RALYL: variants seen among roughly 807,000 people sequenced by gnomAD.
RALYL encodes the protein RNA-binding Raly-like protein.
RALYL carries 29 observed loss-of-function variants against 35.1 expected under a neutral mutation model. That is an observed-to-expected ratio of 0.83 (90% CI 0.61 to 1.13). RALYL has a LOEUF of 1.13. Ranked by LOEUF, RALYL falls within the 50% of genes most tolerant of loss-of-function variation. The pLI is 0.00. For missense variants in RALYL, 359 were observed against 360.4 expected, an observed-to-expected ratio of 1.00 and a Z score of 0.03; for synonymous variants, 120 against 127.6, an observed-to-expected ratio of 0.94 and a Z score of 0.40.
intron 1 of RALYL, among the ~76,000 whole-genome samples, chr8:84,373,544 T>C (rs1417617359): frequency 6.6e-6 from 1 of 152,030 alleles, no homozygotes; most frequent in Non-Finnish European, 1.5e-5. Flanking sequence ...TGTGGCCTCA[T>C]CTTCGGGTCT....
At chr8:84,244,431 T>A (rs901091074) in intron 1 of RALYL, among the ~76,000 whole-genome samples, 6 of 152,186 alleles carry the variant, frequency 3.9e-5, no homozygotes, top group African/African-American at 1.4e-4. Context: ...TCTGAATACA[T>A]CACCAAAGTT....
intron 1 of RALYL, among the ~76,000 whole-genome samples, chr8:84,518,487 A>G (rs1323538965): frequency 6.6e-6 from 1 of 152,200 alleles, no homozygotes; most frequent in East Asian, 1.9e-4. Context: ...ATGACATTGC[A>G]TCTACAGTCA....
chr8:84,608,041 A>G (rs1817538092), intron 2 of RALYL, among the ~76,000 whole-genome samples: 1 of 151,844 alleles, frequency 6.6e-6, no homozygotes, highest in African/African-American at 2.4e-5. Flanking sequence ...TTTTGTATAT[A>G]TCTTGTTGCG....
chr8:84,432,710 C>G (rs2047271530), intron 1 of RALYL, among the ~76,000 whole-genome samples: 1 of 151,962 alleles, frequency 6.6e-6, no homozygotes, highest in Admixed American at 6.6e-5. Flanking sequence ...TTTTATAAGA[C>G]AATGTGAATT....
intron 1 of RALYL, among the ~76,000 whole-genome samples, chr8:84,420,884 C>G (rs1487033327): frequency 9.3e-6 from 1 of 107,014 alleles, no homozygotes; most frequent in Non-Finnish European, 1.8e-5. Context: ...TCTGAGGGCT[C>G]TGTTCTGTTC....
chr8:84,846,972 A>AT (rs2134724464), intron 4 of RALYL, among the ~76,000 whole-genome samples: 1 of 151,914 alleles, frequency 6.6e-6, no homozygotes, highest in African/African-American at 2.4e-5. Flanking sequence ...ACTTTTGGCT[A>AT]TTTTTTTCTT....
chr8:84,785,454 A>C (rs890977935), intron 3 of RALYL, among the ~76,000 whole-genome samples: 4 of 152,194 alleles, frequency 2.6e-5, no homozygotes, highest in African/African-American at 4.8e-5. Flanking sequence ...CATTTCTAAC[A>C]TTCTGGGATT....
chr8:84,337,369 T>C (rs1375194426), intron 1 of RALYL, among the ~76,000 whole-genome samples: 1 of 151,858 alleles, frequency 6.6e-6, no homozygotes, highest in Non-Finnish European at 1.5e-5. Context: ...AGTTTTTTAA[T>C]AGAGATACTG....
intron 1 of RALYL, among the ~76,000 whole-genome samples, chr8:84,297,291 G>A (rs1389871201): frequency 6.6e-6 from 1 of 152,026 alleles, no homozygotes; most frequent in Non-Finnish European, 1.5e-5. Flanking sequence ...CCACTTATAA[G>A]TGAGAATATG....
chr8:84,697,310 T>C (rs1014517377), intron 2 of RALYL, among the ~76,000 whole-genome samples: 8 of 152,070 alleles, frequency 5.3e-5, no homozygotes, highest in African/African-American at 1.7e-4. Context: ...ATTATATTTT[T>C]AAACTATGAA....
intron 1 of RALYL, among the ~76,000 whole-genome samples, chr8:84,504,491 A>T (rs1243105968): frequency 6.6e-6 from 1 of 152,196 alleles, no homozygotes; most frequent in Non-Finnish European, 1.5e-5. Flanking sequence ...GTACATAAAT[A>T]AAAGGCCAAC....
chr8:84,700,395 A>G (rs1427819362), intron 2 of RALYL, among the ~76,000 whole-genome samples: 2 of 152,168 alleles, frequency 1.3e-5, no homozygotes, highest in African/African-American at 4.8e-5. Flanking sequence ...AAATGAATAA[A>G]GGCTTAATAA....
intron 1 of RALYL, among the ~76,000 whole-genome samples, chr8:84,474,949 A>C (rs1053898647): frequency 1.4e-5 from 2 of 142,934 alleles, no homozygotes; most frequent in African/African-American, 2.6e-5. Context: ...TCTAGGGTAC[A>C]TGGGCACAAT....
At chr8:84,214,288 G>A (rs1254823911) in intron 1 of RALYL, among the ~76,000 whole-genome samples, 1 of 152,038 alleles carries the variant, frequency 6.6e-6, no homozygotes, top group Non-Finnish European at 1.5e-5. Context: ...CATATAATAA[G>A]AAATAGAATT....
At chr8:84,648,805 T>C (rs1266060261) in intron 2 of RALYL, among the ~76,000 whole-genome samples, 1 of 150,732 alleles carries the variant, frequency 6.6e-6, no homozygotes, top group Non-Finnish European at 1.5e-5. Context: ...ATTATTTATA[T>C]ATGTATATAT....
intron 2 of RALYL, among the ~76,000 whole-genome samples, chr8:84,706,252 C>T (rs766263064): frequency 2.0e-5 from 3 of 152,184 alleles, no homozygotes; most frequent in Non-Finnish European, 2.9e-5. Context: ...GGGGATAATT[C>T]GCTTGTTACC....
At chr8:84,529,132 A>G (rs1012711027) in intron 1 of RALYL, among the ~76,000 whole-genome samples, 167 bp from the exon 2 acceptor site, 2 of 152,212 alleles carry the variant, frequency 1.3e-5, no homozygotes, top group Admixed American at 1.3e-4. Context: ...CTTACCTTTT[A>G]TATTACTAAA....
chr8:84,309,334 CTT>C (rs1335190889), intron 1 of RALYL, among the ~76,000 whole-genome samples: 2 of 151,358 alleles, frequency 1.3e-5, no homozygotes, highest in Admixed American at 1.3e-4. Flanking sequence ...TAAAAACAGT[CTT>C]AATTAAGCAA....
intron 2 of RALYL, among the ~76,000 whole-genome samples, chr8:84,615,504 G>A (rs996934879): frequency 7.1e-6 from 1 of 140,732 alleles, no homozygotes; most frequent in African/African-American, 2.6e-5. Flanking sequence ...TGATTAATCA[G>A]TTTAAACAGT....
Sources: gnomAD v4.1 joint callset for allele counts (sites outside exome capture counted in the v4.1 genomes callset) on GRCh38, gnomAD v4.1.1 for gene constraint, MANE v1.5 for transcripts, NCBI Gene and HGNC (gene_info 2026-07-23, HGNC 2026-07-21) for gene names.